OSBPL8: variants seen among roughly 807,000 people sequenced by gnomAD.
OSBPL8 encodes the protein oxysterol binding protein like 8.
A neutral mutation model predicts 125.5 loss-of-function variants in OSBPL8; 59 were observed. The observed-to-expected ratio is 0.47, with a 90% CI of 0.38 to 0.58. The LOEUF (loss-of-function observed/expected upper bound fraction) is 0.58, where lower values mean the gene tolerates loss of function less well. Ranked by LOEUF, OSBPL8 falls within the 20% of genes least tolerant of loss-of-function variation. The probability of loss-of-function intolerance (pLI) is 0.00; values close to 1 mark genes in which losing one functional copy is unlikely to be tolerated. For missense variants in OSBPL8, 758 were observed against 1,047.8 expected (o/e 0.72, Z 3.82); for synonymous variants, 330 against 338.9 (o/e 0.97, Z 0.29).
chr12:76,409,906 G>A (rs1954439551), intron 5 of OSBPL8, among the ~76,000 whole-genome samples: 2 of 152,060 alleles, frequency 1.3e-5, no homozygotes, highest in Admixed American at 1.3e-4. Context: ...AAACATAAAA[G>A]CTCCCCTGCT....
At chr12:76,367,910 T>C (rs1408961988) in intron 21 of OSBPL8, among the ~76,000 whole-genome samples, 1 of 152,252 alleles carries the variant, frequency 6.6e-6, no homozygotes, top group Non-Finnish European at 1.5e-5. Flanking sequence ...CAAAGATATG[T>C]AATTAAATTA....
rs755823074 is a variant in OSBPL8 at position 76,468,821 on chromosome 12, G to A, written c.43-8926C>T. Among the ~76,000 whole-genome samples the A allele has an allele frequency of 5.8e-4, 88 of 152,226 alleles. 1 individual carries two copies. Among genetic ancestry groups the A allele is most frequent in the Non-Finnish European group, 7.2e-4 (49 of 68,014 alleles). On this transcript the variant is annotated intron_variant, in intron 2 of 23. Coordinates refer to ENST00000261183, the MANE Select transcript of OSBPL8 (RefSeq NM_020841.5). ...AGTGCTGTCAAATAGAACTTTCTAC[G>A]ACGATAGAAATAGTGTGTATCTGTA...
In OSBPL8 at chr12:76,543,889, C is replaced by A. The variant is rs190174194; in HGVS notation, c.-68+15508G>T. 6.1e-3 allele frequency among the ~76,000 whole-genome samples: 925 copies of A among 152,240 alleles called. 7 individuals carry two copies. Among genetic ancestry groups the A allele is most frequent in the South Asian group, 0.024 (116 of 4,826 alleles). On this transcript the variant is annotated intron_variant, in intron 1 of 23. Transcript: ENST00000261183. ...AACCACAAATTACATAATAAATATT[C>A]ATATAAACCAGAATTAAATTACCAT... is the stretch of plus-strand genomic sequence containing the variant.
intron 1 of OSBPL8, among the ~76,000 whole-genome samples, chr12:76,497,232 G>T (rs1201324830): frequency 6.7e-6 from 1 of 149,020 alleles, no homozygotes; most frequent in African/African-American, 2.5e-5. Flanking sequence ...ACAGCAAACA[G>T]ATTTTACTTT....
At chr12:76,369,598 TAATACATTGTTTGA>T in intron 20 of OSBPL8, 25 bp downstream of exon 20, 1 of 1,560,224 alleles carries the variant, frequency 6.4e-7, no homozygotes, top group Non-Finnish European at 8.8e-7. Flanking sequence ...CAAACCATGC[TAATACATTGTTTGA>T]AATAAACTAT....
chr12:76,436,309 T>C (rs540553022), intron 4 of OSBPL8, among the ~76,000 whole-genome samples: 32 of 152,282 alleles, frequency 2.1e-4, no homozygotes, highest in Admixed American at 1.9e-3. Flanking sequence ...GGATCCATGG[T>C]TGTAACCATG....
intron 1 of OSBPL8, among the ~76,000 whole-genome samples, chr12:76,525,280 T>C (rs1406683470): frequency 2.6e-5 from 4 of 152,192 alleles, no homozygotes; most frequent in Non-Finnish European, 5.9e-5. Context: ...ATAAAGTTTA[T>C]ATATGAAAAA....
intron 3 of OSBPL8, among the ~76,000 whole-genome samples, chr12:76,458,187 G>A (rs1323114158): frequency 1.3e-5 from 2 of 152,106 alleles, no homozygotes; most frequent in South Asian, 2.1e-4. Flanking sequence ...TGGGAAGATC[G>A]CTTGAGTCTA....
At chr12:76,439,406 A>T (rs1447392568) in intron 4 of OSBPL8, among the ~76,000 whole-genome samples, 1 of 152,056 alleles carries the variant, frequency 6.6e-6, no homozygotes, top group Non-Finnish European at 1.5e-5. Context: ...TACAGCACAC[A>T]TTCCAAACTC....
intron 6 of OSBPL8, among the ~76,000 whole-genome samples, chr12:76,402,254 T>C (rs1156403480): frequency 6.6e-6 from 1 of 152,160 alleles, no homozygotes; most frequent in African/African-American, 2.4e-5. Context: ...CTCAGAGAAA[T>C]TGGAAATCTG....
At chr12:76,372,637 T>C (rs1952662882) in intron 18 of OSBPL8, among the ~76,000 whole-genome samples, 1 of 152,206 alleles carries the variant, frequency 6.6e-6, no homozygotes, top group African/African-American at 2.4e-5. Context: ...ATTTTCTGCT[T>C]ACTGCATGCA....
At chr12:76,408,143 T>TAA (rs376221340) in intron 5 of OSBPL8, among the ~76,000 whole-genome samples, 15,369 of 91,620 alleles carry the variant, frequency 0.17, 1,646 homozygotes, top group Non-Finnish European at 0.25. Context: ...CCTCATCTCT[T>TAA]AAAAAAAAAA....
At chr12:76,526,242 A>G (rs1950167300) in intron 1 of OSBPL8, among the ~76,000 whole-genome samples, 1 of 152,230 alleles carries the variant, frequency 6.6e-6, no homozygotes, top group South Asian at 2.1e-4. Context: ...TATACATTTA[A>G]AAAAAGTTTC....
At chr12:76,371,049 A>T (rs371766943) in intron 19 of OSBPL8, among the ~76,000 whole-genome samples, 14 of 152,212 alleles carry the variant, frequency 9.2e-5, no homozygotes, top group East Asian at 3.8e-4. Context: ...TTACTTTTGT[A>T]TCAGAGAATG....
intron 4 of OSBPL8, among the ~76,000 whole-genome samples, chr12:76,420,703 T>C (rs1036236524): frequency 3.3e-5 from 5 of 152,056 alleles, no homozygotes; most frequent in African/African-American, 1.2e-4. Flanking sequence ...CAAATGCATC[T>C]AAAATAATTT....
Position 76,449,360 on chromosome 12 carries a change from T to C in OSBPL8, c.217+1491A>G, listed in dbSNP as rs147693456. 4.0e-3 allele frequency among the ~76,000 whole-genome samples: 603 copies of C among 152,340 alleles called. 3 individuals are homozygous for C. The highest frequency in any genetic ancestry group is 6.9e-3 in the Non-Finnish European group (468 of 68,028). On this transcript the variant is annotated intron_variant, in intron 4 of 23. Transcript: ENST00000261183. ...TATACAAAACTTATCAATTATGAATTAGAAACTGTGATCCCTGAACTTCTG... is the reference window on the plus strand; with the variant it reads ...TATACAAAACTTATCAATTATGAATCAGAAACTGTGATCCCTGAACTTCTG...
chr12:76,368,421 G>T (rs1430004113), intron 21 of OSBPL8, among the ~76,000 whole-genome samples: 1 of 151,936 alleles, frequency 6.6e-6, no homozygotes, highest in Admixed American at 6.6e-5. Context: ...TCTTGAATTT[G>T]TAGATTTATA....
At chr12:76,375,741 T>TAA (rs75181715) in intron 16 of OSBPL8, among the ~76,000 whole-genome samples, 2,215 of 146,728 alleles carry the variant, frequency 0.015, 38 homozygotes, top group African/African-American at 0.047. Flanking sequence ...CACATTGTTT[T>TAA]AAAAAAAAAA....
At chr12:76,458,236 T>C (rs1874299951) in intron 3 of OSBPL8, among the ~76,000 whole-genome samples, 1 of 152,212 alleles carries the variant, frequency 6.6e-6, no homozygotes, top group Non-Finnish European at 1.5e-5. Flanking sequence ...ATTGTGCCAC[T>C]GCACTCCAGC....
Sources: gnomAD v4.1 joint callset for allele counts (sites outside exome capture counted in the v4.1 genomes callset) on GRCh38, gnomAD v4.1.1 for gene constraint, MANE v1.5 for transcripts, NCBI Gene and HGNC (gene_info 2026-07-23, HGNC 2026-07-21) for gene names.